SCAND3: variants seen among roughly 807,000 people sequenced by gnomAD.
The protein encoded by SCAND3 is SCAN domain-containing protein 3.
chr6:28,590,230 G>T, the SCAND3 span: 1 of 152,416 alleles, frequency 6.6e-6, no homozygotes, highest in African/African-American at 2.4e-5. Flanking sequence ...GCCTTCAGCC[G>T]TTCGCCTGGC....
At chr6:28,571,641 G>A in the SCAND3 span, 2 of 348,694 alleles carry the variant, frequency 5.7e-6, no homozygotes, top group African/African-American at 2.1e-5. Flanking sequence ...AAGATCAAAT[G>A]TTTTAATATT....
the SCAND3 span, among the ~76,000 whole-genome samples, chr6:28,606,837 C>G: frequency 6.6e-6 from 1 of 152,202 alleles, no homozygotes; most frequent in African/African-American, 2.4e-5. Flanking sequence ...TTGACGCCCC[C>G]CTACAGTTTC....
chr6:28,593,028 C>T, the SCAND3 span, among the ~76,000 whole-genome samples: 205 of 131,568 alleles, frequency 1.6e-3, 1 homozygote, highest in Admixed American at 4.6e-3. Flanking sequence ...TTTTTTTTGA[C>T]TCCAAAGCAC....
the SCAND3 span, among the ~76,000 whole-genome samples, chr6:28,595,316 G>A: frequency 1.3e-5 from 1 of 77,660 alleles, no homozygotes; most frequent in African/African-American, 6.5e-5. Flanking sequence ...CGGTGTTAGA[G>A]CAAAACCCAG....
chr6:28,612,529 A>C, the SCAND3 span, among the ~76,000 whole-genome samples: 3 of 152,230 alleles, frequency 2.0e-5, no homozygotes, highest in Non-Finnish European at 2.9e-5. Context: ...CCATAAACAC[A>C]CTGGTATAAA....
the SCAND3 span, among the ~76,000 whole-genome samples, chr6:28,604,127 T>C: frequency 9.9e-5 from 15 of 152,146 alleles, no homozygotes; most frequent in Non-Finnish European, 1.0e-4. Flanking sequence ...CATTCCAGGG[T>C]TAGGGGAAAA....
the SCAND3 span, among the ~76,000 whole-genome samples, chr6:28,593,182 A>C: frequency 1.2e-4 from 18 of 152,318 alleles, no homozygotes; most frequent in South Asian, 3.3e-3. Flanking sequence ...AATATGCACA[A>C]TATATAAGGA....
the SCAND3 span, chr6:28,573,489 A>G: frequency 6.2e-7 from 1 of 1,613,968 alleles, no homozygotes; most frequent in Non-Finnish European, 8.5e-7. Flanking sequence ...TTTTCAATTC[A>G]CTACTCTTTC....
the SCAND3 span, among the ~76,000 whole-genome samples, chr6:28,600,579 A>T: frequency 6.6e-6 from 1 of 152,262 alleles, no homozygotes; most frequent in Admixed American, 6.5e-5. Context: ...GTGAGCTGAG[A>T]TTGCACCACT....
At chr6:28,576,233 G>T in the SCAND3 span, 2 of 905,102 alleles carry the variant, frequency 2.2e-6, no homozygotes, top group Non-Finnish European at 3.3e-6. Context: ...GGTAGAAGTA[G>T]GGAATATGGA....
At chr6:28,611,447 T>C in the SCAND3 span, among the ~76,000 whole-genome samples, 1 of 152,228 alleles carries the variant, frequency 6.6e-6, no homozygotes, top group African/African-American at 2.4e-5. Flanking sequence ...CAGGCCTTCC[T>C]AAAAACTAAC....
At chr6:28,595,195 CAAAAAAAAAAAAA>C in the SCAND3 span, among the ~76,000 whole-genome samples, 8 of 16,118 alleles carry the variant, frequency 5.0e-4, 1 homozygote, top group East Asian at 2.8e-3. Flanking sequence ...CCGTCACTAC[CAAAAAAAAAAAAA>C]AAAAAAAAAA....
the SCAND3 span, among the ~76,000 whole-genome samples, chr6:28,588,952 A>G: frequency 6.6e-6 from 1 of 152,218 alleles, no homozygotes; most frequent in African/African-American, 2.4e-5. The surrounding 1 kb of genome is among the most constrained non-coding windows in gnomAD (Gnocchi z 4.1). Context: ...TATGAAACAT[A>G]TTTTGTAAGA....
At chr6:28,604,270 C>G in the SCAND3 span, among the ~76,000 whole-genome samples, 2 of 152,120 alleles carry the variant, frequency 1.3e-5, no homozygotes, top group Non-Finnish European at 2.9e-5. Flanking sequence ...TTGGCTTTAT[C>G]TTTCAGCTTA....
the SCAND3 span, among the ~76,000 whole-genome samples, chr6:28,588,816 C>G: frequency 6.6e-6 from 1 of 152,274 alleles, no homozygotes; most frequent in Admixed American, 6.5e-5. This position sits in a 1 kb window ranked among gnomAD's most constrained non-coding sequence, Gnocchi z 4.1. Context: ...GTAGAAGAGA[C>G]TATTTTGATA....
chr6:28,609,572 G>A, the SCAND3 span, among the ~76,000 whole-genome samples: 1 of 152,166 alleles, frequency 6.6e-6, no homozygotes, highest in Non-Finnish European at 1.5e-5. Flanking sequence ...AACTGGTATT[G>A]CTATAACACA....
the SCAND3 span, chr6:28,575,511 A>G: frequency 6.2e-7 from 1 of 1,613,862 alleles, no homozygotes; most frequent in Non-Finnish European, 8.5e-7. The surrounding 1 kb of genome is among the most constrained non-coding windows in gnomAD (Gnocchi z 4.2). Context: ...TTGTACAGAG[A>G]TCTTGATAAT....
At chr6:28,601,987 G>A in the SCAND3 span, among the ~76,000 whole-genome samples, 1 of 150,938 alleles carries the variant, frequency 6.6e-6, no homozygotes, top group African/African-American at 2.4e-5. Flanking sequence ...ACATAATGAA[G>A]CATGCAGGCC....
At chr6:28,585,886 A>G in the SCAND3 span, among the ~76,000 whole-genome samples, 1 of 152,256 alleles carries the variant, frequency 6.6e-6, no homozygotes, top group African/African-American at 2.4e-5. Context: ...TCATGCAATT[A>G]GTATTTTCAT....
Sources: gnomAD v4.1 joint callset for allele counts (sites outside exome capture counted in the v4.1 genomes callset) on GRCh38, gnomAD v4.1.1 for gene constraint, Gnocchi (gnomAD v3.1) non-coding constraint, MANE v1.5 for transcripts, NCBI Gene and HGNC (gene_info 2026-07-23, HGNC 2026-07-21) for gene names.